UGT2B7: variants seen among roughly 807,000 people sequenced by gnomAD.
UGT2B7 encodes the protein UDP-glucuronosyltransferase 2B7.
A neutral mutation model predicts 51.9 loss-of-function variants in UGT2B7; 51 were observed. That is an observed-to-expected ratio of 0.98 (90% confidence interval 0.78 to 1.24). The LOEUF (loss-of-function observed/expected upper bound fraction) is 1.24. Ranked by LOEUF, UGT2B7 falls within the 50% of genes most tolerant of loss-of-function variation. UGT2B7 has a pLI of 0.00. For missense variants in UGT2B7, 727 were observed against 628.4 expected, an observed-to-expected ratio of 1.16 and a Z score of -1.68; for synonymous variants, 225 against 211.6, an observed-to-expected ratio of 1.06 and a Z score of -0.55.
intron 1 of UGT2B7, among the ~76,000 whole-genome samples, chr4:69,082,317 A>G (rs1258050982): frequency 6.6e-6 from 1 of 152,050 alleles, no homozygotes; most frequent in Non-Finnish European, 1.5e-5. Flanking sequence ...GAAATAATTA[A>G]GGAACATGAG....
At position 69,106,672 on chromosome 4, in the gene UGT2B7, G is replaced by A. The variant is rs138334303; in HGVS notation, c.1003-503G>A. ...TTTACCTCTAGGTTTTTGAGGAATCGCCAGTCTTCCACAATGGTTGAACAA... is the reference window on the plus strand; with the variant it reads ...TTTACCTCTAGGTTTTTGAGGAATCACCAGTCTTCCACAATGGTTGAACAA... On this transcript the variant is annotated intron_variant, in intron 3 of 5. Transcript: ENST00000305231. Among the ~76,000 whole-genome samples the A allele has an allele frequency of 2.8e-4, 42 of 151,962 alleles. No homozygotes were observed. The East Asian group carries it at 7.2e-3, about 26-fold the overall frequency.
intron 1 of UGT2B7, among the ~76,000 whole-genome samples, chr4:69,062,791 G>A (rs1039189188): frequency 2.6e-5 from 4 of 152,152 alleles, no homozygotes; most frequent in Non-Finnish European, 5.9e-5. Flanking sequence ...GTCTATGCAC[G>A]GCCGAAGCTT....
chr4:69,105,273 A>T (rs3924193), intron 3 of UGT2B7, among the ~76,000 whole-genome samples: 60,034 of 122,096 alleles, frequency 0.49, 12,984 homozygotes, highest in African/African-American at 0.64. Flanking sequence ...TAGTAGAAAT[A>T]TATTATCTTT....
intron 1 of UGT2B7, among the ~76,000 whole-genome samples, chr4:69,074,374 AAC>A (rs1320102634): frequency 2.0e-5 from 3 of 150,712 alleles, no homozygotes; most frequent in Admixed American, 6.6e-5. Context: ...GTGAGCCCTG[AAC>A]ACACCACTGC....
chr4:69,054,290 T>A lies in UGT2B7; in HGVS notation c.-159+2688T>A, dbSNP rs1718124853. Reference sequence around the variant, plus strand: ...CTGGCCAAGGCCAGTGGCCTATCTCTCAAAACAAAAAGACAGGGTTTCCAA... The same window carrying A: ...CTGGCCAAGGCCAGTGGCCTATCTCACAAAACAAAAAGACAGGGTTTCCAA... On this transcript the variant is annotated intron_variant, in intron 1 of 5. Transcript: ENST00000502942. 2.6e-5 allele frequency among the ~76,000 whole-genome samples: 4 copies of A among 152,142 alleles called. No individual in the cohort carries two copies. The South Asian group carries it at 8.3e-4, about 32-fold the overall frequency.
chr4:69,109,886 A>T (rs149867566), intron 5 of UGT2B7, among the ~76,000 whole-genome samples: 63 of 152,168 alleles, frequency 4.1e-4, no homozygotes, highest in African/African-American at 1.5e-3. Context: ...AAAATACTTT[A>T]TCACAAAAAA....
chr4:69,098,755 T>C lies in UGT2B7; in HGVS notation c.870+67T>C, dbSNP rs116566014. On this transcript the variant is annotated intron_variant, in intron 2 of 5. Coordinates refer to ENST00000305231, the MANE Select transcript of UGT2B7 (RefSeq NM_001074.4). The stretch of plus-strand genomic sequence containing the variant: ...TTTCAGTAGAAATGATTCTATAGTC[T>C]TCTTTCAGAGTGTTTGACTTACACT... The C allele has an allele frequency of 8.7e-4, 1,377 of 1,590,184 alleles. 15 individuals carry two copies. In the African/African-American group the frequency reaches 0.017, roughly 19 times the overall value.
intron 1 of UGT2B7, among the ~76,000 whole-genome samples, chr4:69,065,794 T>C (rs756089550): frequency 6.6e-6 from 1 of 152,166 alleles, no homozygotes; most frequent in Non-Finnish European, 1.5e-5. Context: ...TAATATTAAA[T>C]TTGTGAGATG....
intron 1 of UGT2B7, among the ~76,000 whole-genome samples, chr4:69,056,182 T>C (rs1439820073): frequency 6.6e-6 from 1 of 152,158 alleles, no homozygotes; most frequent in African/African-American, 2.4e-5. Flanking sequence ...AGCACAGCCA[T>C]AGGTGATTAA....
chr4:69,096,451 C>CT, upstream of UGT2B7: 1 of 1,595,514 alleles, frequency 6.3e-7, no homozygotes, highest in Non-Finnish European at 8.5e-7. Context: ...GCTAATTTAT[C>CT]TTTGGACATA....
intron 1 of UGT2B7, among the ~76,000 whole-genome samples, chr4:69,079,399 G>A (rs1381291740): frequency 6.6e-6 from 1 of 152,078 alleles, no homozygotes; most frequent in South Asian, 2.1e-4. Flanking sequence ...GGAGTTAAAG[G>A]GTCCAGCTCA....
intron 5 of UGT2B7, among the ~76,000 whole-genome samples, chr4:69,109,698 C>T (rs923548267): frequency 6.6e-6 from 1 of 151,530 alleles, no homozygotes; most frequent in African/African-American, 2.4e-5. Flanking sequence ...TGATGTTGGT[C>T]TTTGAAGCAC....
At chr4:69,063,892 G>A (rs1718412871) in intron 1 of UGT2B7, among the ~76,000 whole-genome samples, 1 of 151,924 alleles carries the variant, frequency 6.6e-6, no homozygotes, top group African/African-American at 2.4e-5. Flanking sequence ...CCACTCCACT[G>A]ATGGCTCTAA....
chr4:69,075,922 C>T lies in UGT2B7; in HGVS notation c.-158-13550C>T, dbSNP rs976580385. Among the ~76,000 whole-genome samples, 19 of 152,124 alleles carry T rather than the reference C, an allele frequency of 1.2e-4. No individual in the cohort carries two copies. The East Asian group carries it at 2.1e-3, about 17-fold the overall frequency. On this transcript the variant is annotated intron_variant, in intron 1 of 5. Coordinates refer to the UGT2B7 transcript ENST00000502942. ...TTAGGTATTTCTCCTAATGCTATTC[C>T]ACCCCTAGCCCCCCTCCCCATAACA...
chr4:69,094,652 G>T (rs1391421860), upstream of UGT2B7, among the ~76,000 whole-genome samples: 1 of 152,134 alleles, frequency 6.6e-6, no homozygotes, highest in Non-Finnish European at 1.5e-5. Context: ...AACTCATTTT[G>T]GTGGTGGCCG....
At chr4:69,098,778 A>C (rs1336620053) in intron 2 of UGT2B7, 90 bp downstream of exon 2, 41 of 1,564,982 alleles carry the variant, frequency 2.6e-5, no homozygotes, top group Admixed American at 1.1e-4. Flanking sequence ...TTTGACTTAC[A>C]CTGAAAGAAA....
At chr4:69,081,650 G>T (rs1050907612) in intron 1 of UGT2B7, among the ~76,000 whole-genome samples, 1 of 152,020 alleles carries the variant, frequency 6.6e-6, no homozygotes, top group Non-Finnish European at 1.5e-5. Context: ...CTCCTTCTGT[G>T]ATTTGTTTCC....
chr4:69,102,627 T>C (rs1719455110), intron 2 of UGT2B7, among the ~76,000 whole-genome samples, 180 bp from the exon 3 acceptor site: 1 of 152,038 alleles, frequency 6.6e-6, no homozygotes, highest in African/African-American at 2.4e-5. Flanking sequence ...CATCCACCTA[T>C]CTCATATTAT....
At position 69,112,422 on chromosome 4, in the gene UGT2B7, C is replaced by A. The variant is rs375479334; in HGVS notation, c.1311-35C>A. ...CTGAGGGGTTTTGTCTGTAACTCTT[C>A]CTGCTACATTACTGTCTTTATTTTT... On this transcript the variant is annotated intron_variant, in intron 5 of 5. Coordinates refer to ENST00000305231, the MANE Select transcript of UGT2B7 (RefSeq NM_001074.4). 1.2e-5 allele frequency: 19 copies of A among 1,595,652 alleles called. 1 individual carries two copies. The Admixed American group carries it at 1.7e-4, about 15-fold the overall frequency.
Sources: allele counts gnomAD v4.1 joint callset (sites outside exome capture counted in the v4.1 genomes callset), GRCh38; gene constraint gnomAD v4.1.1; transcripts MANE v1.5; gene names NCBI Gene and HGNC (gene_info 2026-07-23, HGNC 2026-07-21).